Variants in MGAT5 observed in about 807,000 individuals in gnomAD.
MGAT5 encodes alpha-1,6-mannosylglycoprotein 6-beta-N-acetylglucosaminyltransferase A.
A neutral mutation model predicts 94.3 loss-of-function variants in MGAT5; 30 were observed. The observed-to-expected ratio is 0.32, with a 90% CI of 0.24 to 0.43. MGAT5 has a LOEUF of 0.43. MGAT5 is among the 20% of genes least tolerant of loss of function. The pLI, the probability that MGAT5 is intolerant of heterozygous loss-of-function variation, is 1.00. For missense variants in MGAT5, 691 were observed against 905.5 expected, an observed-to-expected ratio of 0.76 and a Z score of 3.04; for synonymous variants, 310 against 322.9, an observed-to-expected ratio of 0.96 and a Z score of 0.43.
intron 1 of MGAT5, chr2:134,231,260 G>A (rs1681348708): frequency 6.6e-6 from 1 of 152,182 alleles, no homozygotes; most frequent in African/African-American, 2.4e-5. Flanking sequence ...GCAGAGTTGA[G>A]CCTGGTTGGC....
chr2:134,324,045 T>C (rs1369039277), intron 4 of MGAT5, among the ~76,000 whole-genome samples: 1 of 152,178 alleles, frequency 6.6e-6, no homozygotes, highest in Non-Finnish European at 1.5e-5. Context: ...AGAATGAATT[T>C]CTTCATCTCT....
intron 2 of MGAT5, among the ~76,000 whole-genome samples, chr2:134,288,467 C>T (rs1249278063): frequency 6.6e-6 from 1 of 150,944 alleles, no homozygotes; most frequent in Non-Finnish European, 1.5e-5. Context: ...GTAGTTGATA[C>T]AGAGACTACG....
intron 1 of MGAT5, among the ~76,000 whole-genome samples, chr2:134,144,923 G>A (rs774700796): frequency 6.6e-6 from 1 of 152,118 alleles, no homozygotes; most frequent in Admixed American, 6.5e-5. Flanking sequence ...CCTCCAATAC[G>A]GACAGGCATG....
At chr2:134,144,310 G>T (rs1397671483) in intron 1 of MGAT5, among the ~76,000 whole-genome samples, 2 of 152,220 alleles carry the variant, frequency 1.3e-5, no homozygotes, top group Non-Finnish European at 2.9e-5. Context: ...ATGGCAGAAG[G>T]TGAAGGGAAG....
chr2:134,163,206 G>A (rs144826982), intron 1 of MGAT5, among the ~76,000 whole-genome samples: 60 of 152,278 alleles, frequency 3.9e-4, no homozygotes, highest in African/African-American at 1.3e-3. Flanking sequence ...AAATAACCTA[G>A]CTACGATATG....
At position 134,212,741 on chromosome 2, in the gene MGAT5, T is replaced by G. The variant is rs189874805; in HGVS notation, c.-142-41521T>G. 8.3e-3 allele frequency among the ~76,000 whole-genome samples: 1,258 copies of G among 152,242 alleles called. 12 individuals carry two copies. The highest frequency in any genetic ancestry group is 0.027 in the Middle Eastern group (8 of 294). ...TTCCATGGAAAATGGTGGGAAGAGG[T>G]TGGATTTCCCCATACTTTCAGTCTG... On this transcript the variant is annotated intron_variant, in intron 1 of 16. Transcript: ENST00000409645.
intron 10 of MGAT5, among the ~76,000 whole-genome samples, chr2:134,397,499 G>C (rs1045571166): frequency 6.6e-6 from 1 of 152,136 alleles, no homozygotes; most frequent in Non-Finnish European, 1.5e-5. Flanking sequence ...GTCTGGAGGA[G>C]AGAAAGGAGG....
At chr2:134,444,633 T>C (rs1405640047) in intron 15 of MGAT5, among the ~76,000 whole-genome samples, 2 of 152,264 alleles carry the variant, frequency 1.3e-5, no homozygotes, top group Non-Finnish European at 2.9e-5. Context: ...CAGTGCTGCC[T>C]TTGCATCTCC....
chr2:134,218,643 G>T (rs1463225959), intron 1 of MGAT5, among the ~76,000 whole-genome samples: 1 of 152,182 alleles, frequency 6.6e-6, no homozygotes, highest in Non-Finnish European at 1.5e-5. Flanking sequence ...GTAGAAGCAT[G>T]CAGTACCTTT....
At chr2:134,387,301 G>GATATATATATATATATATATAT (rs1553458949) in intron 10 of MGAT5, among the ~76,000 whole-genome samples, 9 of 42,606 alleles carry the variant, frequency 2.1e-4, no homozygotes, top group Admixed American at 4.0e-4. Context: ...AGTTATGTAT[G>GATATATATATATATATATATAT]ATATATATAT....
intron 2 of MGAT5, among the ~76,000 whole-genome samples, chr2:134,274,338 T>A (rs1393162745): frequency 6.6e-6 from 1 of 152,262 alleles, no homozygotes; most frequent in East Asian, 1.9e-4. Flanking sequence ...TTTGTGGTGA[T>A]TTGCCTAGAA....
chr2:134,271,075 G>A (rs1017782573), intron 2 of MGAT5, among the ~76,000 whole-genome samples: 1 of 152,186 alleles, frequency 6.6e-6, no homozygotes, highest in Middle Eastern at 3.2e-3. Flanking sequence ...AGCCACTCAT[G>A]TACACCACCA....
intron 2 of MGAT5, among the ~76,000 whole-genome samples, chr2:134,300,108 T>C (rs752512522): frequency 3.9e-5 from 6 of 152,200 alleles, no homozygotes; most frequent in Non-Finnish European, 8.8e-5. Context: ...GGTTGTTCAG[T>C]ATAACTTTTG....
intron 2 of MGAT5, among the ~76,000 whole-genome samples, chr2:134,312,821 T>G (rs1392970997): frequency 6.6e-6 from 1 of 152,176 alleles, no homozygotes; most frequent in Non-Finnish European, 1.5e-5. Context: ...GCTTTCCTTT[T>G]CAGACTGTCA....
At chr2:134,297,500 G>A (rs1330692173) in intron 2 of MGAT5, among the ~76,000 whole-genome samples, 1 of 152,020 alleles carries the variant, frequency 6.6e-6, no homozygotes, top group Non-Finnish European at 1.5e-5. Context: ...TAAAATATTA[G>A]AACCCCAAAT....
chr2:134,191,230 A>T (rs1339717450), intron 1 of MGAT5, among the ~76,000 whole-genome samples: 2 of 152,280 alleles, frequency 1.3e-5, no homozygotes, highest in Non-Finnish European at 2.9e-5. Context: ...TAAAACGTAC[A>T]CGACAAACTT....
intron 1 of MGAT5, among the ~76,000 whole-genome samples, chr2:134,142,429 T>G (rs1000757779): frequency 6.6e-6 from 1 of 152,184 alleles, no homozygotes; most frequent in Non-Finnish European, 1.5e-5. Flanking sequence ...TTGACCATAG[T>G]GACAACACTG....
chr2:134,336,747 G>A (rs904208490), intron 5 of MGAT5, among the ~76,000 whole-genome samples: 2 of 152,144 alleles, frequency 1.3e-5, no homozygotes, highest in African/African-American at 2.4e-5. Flanking sequence ...GGTATCTCTC[G>A]TGTGGGAAAA....
chr2:134,325,983 A>G (rs72978183), intron 4 of MGAT5, among the ~76,000 whole-genome samples: 5,172 of 151,508 alleles, frequency 0.034, 278 homozygotes, highest in African/African-American at 0.11. Flanking sequence ...AAGTTATTTC[A>G]TGGATAATGG....
Sources: allele counts gnomAD v4.1 joint callset (sites outside exome capture counted in the v4.1 genomes callset), GRCh38; gene constraint gnomAD v4.1.1; transcripts MANE v1.5; gene names NCBI Gene and HGNC (gene_info 2026-07-23, HGNC 2026-07-21).